The following DCLK1 variants were observed in gnomAD, a reference collection of about 807,000 sequenced individuals.
DCLK1 encodes the protein serine/threonine-protein kinase DCLK1.
DCLK1 carries 16 observed loss-of-function variants against 86.2 expected under a neutral mutation model. The ratio of observed to expected loss-of-function variants is 0.19; its 90% confidence interval spans 0.13 to 0.28. DCLK1 has a LOEUF of 0.28. DCLK1 is among the 10% of genes least tolerant of loss of function. The pLI, the probability that DCLK1 is intolerant of heterozygous loss-of-function variation, is 1.00. For missense variants in DCLK1, 590 were observed against 940.2 expected (o/e 0.63, Z 4.87); for synonymous variants, 369 against 370.5 (o/e 1.00, Z 0.05).
rs998685847 is a variant in DCLK1 at position 35,769,877 on chromosome 13, G to A, written c.*4658C>T. The A allele has an allele frequency of 6.6e-6, 1 of 152,154 alleles. No individual in the cohort carries two copies. Among genetic ancestry groups the A allele is most frequent in the African/African-American group, 2.4e-5 (1 of 41,442 alleles). The allele number at this position is 152,154 out of a possible 1,614,324, so 9.4% of individuals were successfully genotyped here. The stretch of plus-strand genomic sequence containing the variant: ...TTCTTTAGGGAACAAAATGAAACTA[G>A]ATCTCTCATTTGTCTGTATGGGCAA... On this transcript the variant is annotated 3_prime_UTR_variant, in exon 17 of 17. Transcript: ENST00000360631.
At chr13:35,879,009 C>T (rs1872738196) in intron 4 of DCLK1, among the ~76,000 whole-genome samples, 1 of 152,114 alleles carries the variant, frequency 6.6e-6, no homozygotes, top group African/African-American at 2.4e-5. Flanking sequence ...TGGGCTCGAA[C>T]TCCTGACCTT....
At chr13:35,783,688 G>T (rs1045250230) in intron 16 of DCLK1, among the ~76,000 whole-genome samples, 2 of 152,030 alleles carry the variant, frequency 1.3e-5, no homozygotes, top group Non-Finnish European at 2.9e-5. Context: ...GGGCCCAAAT[G>T]ATTCTCCTGC....
intron 3 of DCLK1, among the ~76,000 whole-genome samples, chr13:35,959,242 A>C (rs1391626029): frequency 6.6e-6 from 1 of 152,206 alleles, no homozygotes; most frequent in Non-Finnish European, 1.5e-5. Context: ...TGAGTGAGTA[A>C]CATGGGGCTG....
chr13:35,876,699 C>A (rs1175911685), intron 4 of DCLK1, among the ~76,000 whole-genome samples: 2 of 152,146 alleles, frequency 1.3e-5, no homozygotes. Flanking sequence ...ATTTTCATAG[C>A]CTCAGGCAAG....
chr13:36,115,078 A>G (rs1399044780), intron 2 of DCLK1, among the ~76,000 whole-genome samples: 1 of 152,202 alleles, frequency 6.6e-6, no homozygotes, highest in Non-Finnish European at 1.5e-5. Flanking sequence ...AGGTGGGAGA[A>G]TCACTTGAGC....
intron 1 of DCLK1, among the ~76,000 whole-genome samples, chr13:36,127,804 C>T (rs1351186866): frequency 6.6e-6 from 1 of 152,120 alleles, no homozygotes. Context: ...AGGACCAGTT[C>T]ATCCTTGCTG....
At chr13:36,051,731 A>G (rs1047685866) in intron 3 of DCLK1, among the ~76,000 whole-genome samples, 19 of 152,296 alleles carry the variant, frequency 1.2e-4, no homozygotes, top group Admixed American at 9.8e-4. Context: ...GAAAAATCAA[A>G]GTAAAGTTGA....
chr13:35,917,726 A>G (rs1171083), intron 4 of DCLK1, among the ~76,000 whole-genome samples: 149,285 of 152,280 alleles, frequency 0.98, 73,249 homozygotes, highest in Non-Finnish European at 1. Context: ...CCATGCCTCA[A>G]GTACCATGGT....
At chr13:35,967,023 G>A (rs1264097086) in intron 3 of DCLK1, among the ~76,000 whole-genome samples, 15 of 150,508 alleles carry the variant, frequency 1.0e-4, no homozygotes, top group East Asian at 8.0e-4. Flanking sequence ...AGTGAGGAGC[G>A]CCTCTTCCTG....
chr13:36,093,050 T>G (rs6563337), intron 3 of DCLK1, among the ~76,000 whole-genome samples: 1 of 152,032 alleles, frequency 6.6e-6, no homozygotes, highest in Non-Finnish European at 1.5e-5. Flanking sequence ...GAGACAAAAA[T>G]AATAACAATA....
intron 6 of DCLK1, chr13:35,847,623 A>AAAAG (rs6145000): frequency 0.01 from 6,525 of 648,882 alleles, 1,141 homozygotes; most frequent in South Asian, 0.066. Context: ...TTAAGCAAAA[A>AAAAG]AAAGAAAGAA....
intron 3 of DCLK1, among the ~76,000 whole-genome samples, chr13:36,076,377 C>G (rs1285744920): frequency 6.6e-6 from 1 of 152,104 alleles, no homozygotes; most frequent in African/African-American, 2.4e-5. Context: ...GTCTTCCTGA[C>G]AGAATAAAAA....
At chr13:35,859,504 C>T (rs1871262363) in intron 5 of DCLK1, among the ~76,000 whole-genome samples, 1 of 152,162 alleles carries the variant, frequency 6.6e-6, no homozygotes, top group African/African-American at 2.4e-5. Context: ...GACTTCTATC[C>T]CTCCCGACGG....
intron 16 of DCLK1, among the ~76,000 whole-genome samples, chr13:35,787,085 T>A (rs9565553): frequency 6.7e-6 from 1 of 149,144 alleles, no homozygotes; most frequent in African/African-American, 2.5e-5. Flanking sequence ...TATATATATA[T>A]TATATATATA....
At chr13:35,797,215 G>C (rs9601348) in intron 15 of DCLK1, among the ~76,000 whole-genome samples, 3 of 152,184 alleles carry the variant, frequency 2.0e-5, no homozygotes, top group Non-Finnish European at 4.4e-5. Context: ...CTGGGTTTTC[G>C]TAAGAGCAGC....
chr13:35,894,051 T>G (rs1395735972), intron 4 of DCLK1, among the ~76,000 whole-genome samples: 1 of 152,092 alleles, frequency 6.6e-6, no homozygotes, highest in South Asian at 2.1e-4. Context: ...AAAGCGTACA[T>G]GAAACATAAA....
chr13:35,890,013 TG>T (rs1873544577), intron 4 of DCLK1, among the ~76,000 whole-genome samples: 1 of 152,192 alleles, frequency 6.6e-6, no homozygotes, highest in African/African-American at 2.4e-5. Flanking sequence ...TAACAGTGTT[TG>T]TTTCCCTTAG....
chr13:35,811,337 C>CA (rs780538312), intron 11 of DCLK1, among the ~76,000 whole-genome samples: 31 of 138,708 alleles, frequency 2.2e-4, no homozygotes, highest in East Asian at 4.2e-4. Context: ...AAAGTACATA[C>CA]AAAAAAAAAA....
chr13:36,053,599 T>A (rs984113582), intron 3 of DCLK1, among the ~76,000 whole-genome samples: 9 of 151,378 alleles, frequency 5.9e-5, no homozygotes, highest in Non-Finnish European at 1.2e-4. Context: ...GACATATATT[T>A]CACAATGTGT....
Sources: allele counts gnomAD v4.1 joint callset (sites outside exome capture counted in the v4.1 genomes callset), GRCh38; gene constraint gnomAD v4.1.1; transcripts MANE v1.5; gene names NCBI Gene and HGNC (gene_info 2026-07-23, HGNC 2026-07-21).